Variants in DGKI observed in about 807,000 individuals in gnomAD.
The protein encoded by DGKI is diacylglycerol kinase iota.
A neutral mutation model predicts 147.5 loss-of-function variants in DGKI; 55 were observed. The ratio of observed to expected loss-of-function variants is 0.37; its 90% CI spans 0.30 to 0.47. DGKI has a LOEUF of 0.47. DGKI is among the 20% of genes least tolerant of loss of function. The pLI, the probability that DGKI is intolerant of heterozygous loss-of-function variation, is 1.00. For synonymous variants in DGKI, 469 were observed against 477.1 expected (o/e 0.98, Z 0.22); for missense variants, 1,007 against 1,323.8 (o/e 0.76, Z 3.71).
At position 137,399,309 on chromosome 7, in the gene DGKI, T is replaced by C. The variant is rs540599509; in HGVS notation, c.2921-1896A>G. Among the ~76,000 whole-genome samples the C allele has an allele frequency of 2.0e-5, 3 of 152,030 alleles. No individual in the cohort carries two copies. The South Asian group carries it at 6.2e-4, about 31-fold the overall frequency. On this transcript the variant is annotated intron_variant, in intron 30 of 32. Coordinates refer to ENST00000614521, the MANE Select transcript of DGKI (RefSeq NM_001321708.2). ...ATAAGAACACCTCAGTTATTTTTTGTATCCTTCTAGCACCTACCCTATATT... is the reference window on the plus strand; with the variant it reads ...ATAAGAACACCTCAGTTATTTTTTGCATCCTTCTAGCACCTACCCTATATT...
chr7:137,423,946 G>C (rs555336984), intron 28 of DGKI, among the ~76,000 whole-genome samples: 2 of 152,090 alleles, frequency 1.3e-5, no homozygotes, highest in Non-Finnish European at 2.9e-5. Flanking sequence ...TACACTTGCC[G>C]TGGTGGTTTG....
At chr7:137,814,123 G>A (rs191461697) in intron 1 of DGKI, among the ~76,000 whole-genome samples, 5 of 152,270 alleles carry the variant, frequency 3.3e-5, no homozygotes, top group Admixed American at 2.6e-4. Context: ...AAGGATGGAT[G>A]TGCAAGTACA....
Position 137,517,327 on chromosome 7 carries a change from GAA to G in DGKI, c.2248+4537_2248+4538del, listed in dbSNP as rs535851311. Among the ~76,000 whole-genome samples, 124 of 108,416 alleles carry G rather than the reference GAA, an allele frequency of 1.1e-3. 1 individual carries two copies. Among genetic ancestry groups the G allele is most frequent in the East Asian group, 8.3e-3 (27 of 3,272 alleles). The allele number at this position is 108,416 out of a possible 152,430, so 71.1% of individuals were successfully genotyped here. On this transcript the variant is annotated intron_variant, in intron 21 of 32. Transcript: ENST00000614521. ...AGAAAGAAAGAAAGAAAGAAAGAAA[GAA>G]AGAAAGAAAGAGAAAGAAAGAAAGA...
chr7:137,831,856 T>G (rs1209131303), intron 1 of DGKI, among the ~76,000 whole-genome samples: 1 of 152,174 alleles, frequency 6.6e-6, no homozygotes, highest in Non-Finnish European at 1.5e-5. Context: ...GCTAGTTACT[T>G]CCTAGGTACA....
chr7:137,739,502 G>A (rs965230467), intron 1 of DGKI, among the ~76,000 whole-genome samples: 1 of 152,080 alleles, frequency 6.6e-6, no homozygotes, highest in Non-Finnish European at 1.5e-5. Flanking sequence ...ACTAGACCTC[G>A]AGATCCTAGC....
At chr7:137,597,824 T>C (rs1171587131) in intron 12 of DGKI, 23 bp downstream of exon 12, 1 of 1,607,360 alleles carries the variant, frequency 6.2e-7, no homozygotes, top group Non-Finnish European at 8.5e-7. Context: ...GGCAGAGAAC[T>C]GGATTCTCTC....
At chr7:137,740,867 T>C (rs984131430) in intron 1 of DGKI, among the ~76,000 whole-genome samples, 9 of 152,308 alleles carry the variant, frequency 5.9e-5, no homozygotes, top group Middle Eastern at 6.8e-3. Flanking sequence ...ATTTTTAAGG[T>C]AATTATAAGA....
intron 20 of DGKI, among the ~76,000 whole-genome samples, chr7:137,534,000 T>C (rs1440962909): frequency 6.6e-6 from 1 of 152,110 alleles, no homozygotes; most frequent in Non-Finnish European, 1.5e-5. Context: ...TAAAATGTAC[T>C]CTTTTCATTT....
Position 137,599,831 on chromosome 7 carries a change from T to C in DGKI, c.1242A>G (p.Pro414=). The C allele has an allele frequency of 6.2e-7, 1 of 1,613,914 alleles. No individual in the cohort carries two copies. Among genetic ancestry groups the C allele is most frequent in the Non-Finnish European group, 8.5e-7 (1 of 1,179,824 alleles). ...AATATTTCCAGACTTACGCATCTTT[T>C]GGCCCTTCCTGAGAAAGATCAAAGA... The part of the protein sequence containing the change: ...RQVFDLSQEG[P]KDALELYRKV... Residue 414 remains proline (P), a synonymous_variant, in exon 11 of 33, where the codon CCA becomes CCG. Transcript: ENST00000614521.
At chr7:137,469,159 T>G (rs977472496) in intron 24 of DGKI, among the ~76,000 whole-genome samples, 1 of 152,158 alleles carries the variant, frequency 6.6e-6, no homozygotes, top group African/African-American at 2.4e-5. Flanking sequence ...AATGGTCTCA[T>G]AAAAATAATA....
chr7:137,520,256 T>C (rs1166240345), intron 21 of DGKI, among the ~76,000 whole-genome samples: 1 of 152,096 alleles, frequency 6.6e-6, no homozygotes, highest in Non-Finnish European at 1.5e-5. Context: ...TGCAAAATAT[T>C]ATTTGAGATC....
intron 12 of DGKI, among the ~76,000 whole-genome samples, chr7:137,588,107 G>C (rs1306602645): frequency 6.6e-6 from 1 of 152,186 alleles, no homozygotes; most frequent in Non-Finnish European, 1.5e-5. Flanking sequence ...GTCAAGAAGA[G>C]ATGATTGCTT....
intron 7 of DGKI, 121 bp downstream of exon 7, chr7:137,623,362 T>G: frequency 2.2e-6 from 2 of 903,158 alleles, no homozygotes; most frequent in Non-Finnish European, 1.8e-6. Flanking sequence ...GGATCCTATA[T>G]GAGAAAAGCA....
At chr7:137,545,717 C>T (rs1384204584) in intron 20 of DGKI, among the ~76,000 whole-genome samples, 2 of 152,158 alleles carry the variant, frequency 1.3e-5, no homozygotes, top group East Asian at 1.9e-4. Flanking sequence ...AGGATGGAAG[C>T]ACATAGAACA....
chr7:137,780,325 A>T (rs568607364), intron 1 of DGKI, among the ~76,000 whole-genome samples: 84 of 152,358 alleles, frequency 5.5e-4, no homozygotes, highest in South Asian at 3.5e-3. Context: ...TGTGAGCTAA[A>T]CTTGTAATAC....
intron 12 of DGKI, among the ~76,000 whole-genome samples, chr7:137,588,621 CGTAT>C (rs1819497797): frequency 6.6e-6 from 1 of 151,988 alleles, no homozygotes; most frequent in Non-Finnish European, 1.5e-5. Flanking sequence ...GGACTACAGG[CGTAT>C]GCCACCACGC....
intron 1 of DGKI, among the ~76,000 whole-genome samples, chr7:137,812,588 C>T (rs184532067): frequency 3.2e-4 from 48 of 152,272 alleles, no homozygotes; most frequent in South Asian, 8.3e-4. Context: ...AATTTGATAT[C>T]TTAATGCATA....
intron 23 of DGKI, among the ~76,000 whole-genome samples, chr7:137,483,097 C>T (rs1405164158): frequency 6.6e-6 from 1 of 151,996 alleles, no homozygotes; most frequent in Non-Finnish European, 1.5e-5. Flanking sequence ...TATTACCAAA[C>T]AATACATGCA....
chr7:137,489,400 A>T (rs1014712901), intron 21 of DGKI, among the ~76,000 whole-genome samples: 1 of 152,168 alleles, frequency 6.6e-6, no homozygotes, highest in Non-Finnish European at 1.5e-5. Context: ...TGGGGGAGTA[A>T]TAATCATTCT....
Sources: allele counts gnomAD v4.1 joint callset (sites outside exome capture counted in the v4.1 genomes callset), GRCh38; gene constraint gnomAD v4.1.1; transcripts MANE v1.5; gene names NCBI Gene and HGNC (gene_info 2026-07-23, HGNC 2026-07-21).